Variants in NEK10 observed in about 807,000 individuals in gnomAD.
The protein encoded by NEK10 is serine/threonine-protein kinase Nek10.
Under a neutral mutation model 159.8 loss-of-function variants are expected in NEK10, and 122 were observed. The ratio of observed to expected loss-of-function variants is 0.76; its 90% CI spans 0.66 to 0.89. The LOEUF (loss-of-function observed/expected upper bound fraction) is 0.89, where lower values mean the gene tolerates loss of function less well. Ranked by LOEUF, NEK10 falls within the 40% of genes least tolerant of loss-of-function variation. NEK10 has a pLI of 0.00. For missense variants in NEK10, 1,342 were observed against 1,323.1 expected (o/e 1.01, Z -0.22); for synonymous variants, 466 against 457.1 (o/e 1.02, Z -0.25).
At chr3:27,123,130 T>C (rs1156483096) in intron 32 of NEK10, among the ~76,000 whole-genome samples, 1 of 152,206 alleles carries the variant, frequency 6.6e-6, no homozygotes, top group Admixed American at 6.5e-5. Context: ...TGGTTTATGA[T>C]CTGAGCAGGA....
chr3:27,279,692 C>A (rs916303723), intron 22 of NEK10, among the ~76,000 whole-genome samples: 17 of 152,082 alleles, frequency 1.1e-4, no homozygotes, highest in Admixed American at 3.9e-4. Flanking sequence ...AATGGGAGTA[C>A]ATGAATGCCC....
rs542616156 is a variant in NEK10, at chr3:27,267,665, C to T, written c.2015-11294G>A. Among the ~76,000 whole-genome samples, 6 of 152,344 alleles carry T rather than the reference C, an allele frequency of 3.9e-5. No individual in the cohort carries two copies. In the South Asian group the frequency reaches 1.2e-3, roughly 32 times the overall value. On this transcript the variant is annotated intron_variant, in intron 22 of 35. Coordinates refer to ENST00000691995, the MANE Select transcript of NEK10 (RefSeq NM_001394966.1). ...AACATTGTGTGCATCCTGACTGCTA[C>T]ATTGACTGGCTGTTCCCCCAGCTCT...
Position 27,284,861 on chromosome 3 carries a change from T to C in NEK10, c.1890A>G (p.Arg630=), listed in dbSNP as rs751639861. The C allele has an allele frequency of 5.7e-6, 9 of 1,586,082 alleles. No individual in the cohort carries two copies. The Admixed American group carries it at 1.5e-4, about 27-fold the overall frequency. The part of the protein sequence containing the change: ...KEKHHHFTEE[R]LWKIFIQLCL... ...ATACCTGTATAAATATTTTCCATAG[T>C]CTTTCTTCAGTAAAATGGTGATGTT... Residue 630 remains arginine (R), a synonymous_variant, in exon 21 of 36, where the codon AGA becomes AGG. Transcript: ENST00000691995.
chr3:27,139,716 A>G (rs1440609869), intron 31 of NEK10, among the ~76,000 whole-genome samples: 2 of 152,140 alleles, frequency 1.3e-5, no homozygotes, highest in East Asian at 3.9e-4. Context: ...TCTGTGTTTG[A>G]TGAGGGTAAA....
chr3:27,148,644 C>A (rs902040848), intron 30 of NEK10, among the ~76,000 whole-genome samples: 1 of 152,110 alleles, frequency 6.6e-6, no homozygotes, highest in East Asian at 1.9e-4. Context: ...CTAATAATGG[C>A]AATTTGGAAT....
intron 33 of NEK10, 43 bp from the exon 34 acceptor site, chr3:27,116,170 A>C (rs1363193653): frequency 6.3e-7 from 1 of 1,578,412 alleles, no homozygotes. Flanking sequence ...TTGGGTTCAC[A>C]TTTTCTTAGT....
At chr3:27,154,462 C>T (rs572670130) in intron 30 of NEK10, among the ~76,000 whole-genome samples, 1 of 152,214 alleles carries the variant, frequency 6.6e-6, no homozygotes, top group Admixed American at 6.5e-5. Context: ...CCAGCATCGC[C>T]CTAATACCAA....
intron 30 of NEK10, chr3:27,162,436 A>G (rs781467250): frequency 2.5e-6 from 4 of 1,610,458 alleles, no homozygotes; most frequent in Non-Finnish European, 3.4e-6. Flanking sequence ...TGTGCTTAAC[A>G]TCAATGTGAT....
chr3:27,300,492 G>A (rs756354355), intron 13 of NEK10, among the ~76,000 whole-genome samples: 12 of 152,038 alleles, frequency 7.9e-5, no homozygotes, highest in Non-Finnish European at 1.6e-4. Context: ...GGACTAATAC[G>A]GGTATAGAAT....
chr3:27,320,240 A>G (rs539907178), intron 6 of NEK10, among the ~76,000 whole-genome samples: 1 of 152,298 alleles, frequency 6.6e-6, no homozygotes, highest in African/African-American at 2.4e-5. Flanking sequence ...GGGCAATACA[A>G]TCAACCCTGT....
intron 25 of NEK10, 89 bp from the exon 26 acceptor site, chr3:27,192,331 T>A (rs540243225): frequency 2.3e-6 from 2 of 884,672 alleles, no homozygotes; most frequent in Non-Finnish European, 3.7e-6. Context: ...CTCCACTGTG[T>A]GTCCACTATG....
At chr3:27,188,466 T>C (rs1347361807) in intron 26 of NEK10, among the ~76,000 whole-genome samples, 1 of 152,218 alleles carries the variant, frequency 6.6e-6, no homozygotes, top group Non-Finnish European at 1.5e-5. Context: ...GCATTTTCAA[T>C]CTTTCTCTCT....
chr3:27,170,166 T>C (rs1042214928), intron 29 of NEK10, among the ~76,000 whole-genome samples: 2 of 152,162 alleles, frequency 1.3e-5, no homozygotes, highest in South Asian at 4.1e-4. Context: ...CCCTGCCTGC[T>C]ATAGCACATC....
chr3:27,337,631 C>A (rs866598303), intron 5 of NEK10, among the ~76,000 whole-genome samples: 7 of 151,862 alleles, frequency 4.6e-5, no homozygotes, highest in Admixed American at 2.0e-4. Flanking sequence ...AATAGAGAAC[C>A]CCAAAACAAA....
intron 19 of NEK10, among the ~76,000 whole-genome samples, chr3:27,288,807 A>C (rs1395090754): frequency 1.3e-5 from 2 of 152,210 alleles, no homozygotes; most frequent in African/African-American, 4.8e-5. Context: ...TCACATCAAC[A>C]AATGGCTTGC....
At chr3:27,203,838 A>G (rs905860893) in intron 23 of NEK10, among the ~76,000 whole-genome samples, 12 of 152,228 alleles carry the variant, frequency 7.9e-5, no homozygotes, top group African/African-American at 2.7e-4. Context: ...TGCAAAGAAA[A>G]GTATGATTTC....
chr3:27,329,555 G>A (rs903505325), intron 5 of NEK10, among the ~76,000 whole-genome samples: 2 of 152,132 alleles, frequency 1.3e-5, no homozygotes, highest in Admixed American at 1.3e-4. Context: ...AACTGGTTCT[G>A]GTGGTTACCT....
chr3:27,358,463 A>T (rs1304437963), intron 1 of NEK10, among the ~76,000 whole-genome samples: 1 of 152,156 alleles, frequency 6.6e-6, no homozygotes, highest in Non-Finnish European at 1.5e-5. Flanking sequence ...CTCAGAAGTA[A>T]TTTCTATCCT....
intron 23 of NEK10, among the ~76,000 whole-genome samples, chr3:27,217,213 A>G (rs1282251663): frequency 1.3e-5 from 2 of 152,064 alleles, no homozygotes; most frequent in African/African-American, 2.4e-5. Context: ...TTACTTTCCA[A>G]CCCAACTCTA....
Sources: allele counts gnomAD v4.1 joint callset (sites outside exome capture counted in the v4.1 genomes callset), GRCh38; gene constraint gnomAD v4.1.1; transcripts MANE v1.5; gene names NCBI Gene and HGNC (gene_info 2026-07-23, HGNC 2026-07-21).